The following SLC2A9 variants were observed in gnomAD, a reference collection of about 807,000 sequenced individuals.
SLC2A9 encodes the protein solute carrier family 2 member 9.
SLC2A9 carries 39 observed loss-of-function variants against 50.6 expected under a neutral mutation model. That is an observed-to-expected ratio of 0.77 (90% confidence interval 0.60 to 1.01). SLC2A9 has a LOEUF of 1.01. SLC2A9 is among the 50% of genes least tolerant of loss of function. The pLI is 0.00. For missense variants in SLC2A9, 686 were observed against 677.6 expected, an observed-to-expected ratio of 1.01 and a Z score of -0.14; for synonymous variants, 324 against 276.9, an observed-to-expected ratio of 1.17 and a Z score of -1.69.
chr4:9,812,406 A>G (rs1264526776), intron 3 of SLC2A9, among the ~76,000 whole-genome samples: 1 of 152,174 alleles, frequency 6.6e-6, no homozygotes, highest in Non-Finnish European at 1.5e-5. Flanking sequence ...GCATTAAGAG[A>G]GTGTGAATAT....
At chr4:9,814,071 C>T (rs1484142233) in intron 3 of SLC2A9, among the ~76,000 whole-genome samples, 6 of 152,158 alleles carry the variant, frequency 3.9e-5, no homozygotes, top group Admixed American at 6.5e-5. Context: ...ACCTGAGAGG[C>T]GGAGGTTGCA....
At chr4:9,872,158 ACT>A (rs1455719894) in intron 10 of SLC2A9, among the ~76,000 whole-genome samples, 2 of 152,120 alleles carry the variant, frequency 1.3e-5, no homozygotes, top group African/African-American at 4.8e-5. Context: ...CCCTCATTTC[ACT>A]GATGGTGAAA....
intron 3 of SLC2A9, among the ~76,000 whole-genome samples, chr4:9,993,495 T>C (rs953463399): frequency 6.6e-6 from 1 of 152,166 alleles, no homozygotes; most frequent in Non-Finnish European, 1.5e-5. Context: ...TCATTTAATC[T>C]TCACAACAAC....
At chr4:9,784,541 C>A (rs557819998) in intron 3 of SLC2A9, among the ~76,000 whole-genome samples, 7 of 152,230 alleles carry the variant, frequency 4.6e-5, no homozygotes, top group African/African-American at 1.4e-4. Context: ...TGGACAATAG[C>A]AAATAGGGAA....
intron 3 of SLC2A9, among the ~76,000 whole-genome samples, chr4:9,801,459 T>G (rs1339551898): frequency 6.6e-6 from 1 of 152,184 alleles, no homozygotes; most frequent in Non-Finnish European, 1.5e-5. Flanking sequence ...GTTTACACAA[T>G]AAATTCAACC....
chr4:9,982,117 T>G (rs773198993), intron 4 of SLC2A9, among the ~76,000 whole-genome samples: 2 of 152,260 alleles, frequency 1.3e-5, no homozygotes, highest in Non-Finnish European at 2.9e-5. Context: ...CGACCTCAGA[T>G]GATCCGCCTG....
chr4:9,844,623 T>C (rs11946054), intron 10 of SLC2A9, among the ~76,000 whole-genome samples: 25,654 of 152,252 alleles, frequency 0.17, 3,113 homozygotes, highest in African/African-American at 0.34. Flanking sequence ...AGATCTCTGT[T>C]CTCTGTGAAT....
At chr4:9,810,235 G>A (rs529368235) in intron 3 of SLC2A9, among the ~76,000 whole-genome samples, 3 of 151,720 alleles carry the variant, frequency 2.0e-5, no homozygotes, top group East Asian at 1.9e-4. Flanking sequence ...CAGTAGAGCC[G>A]CAGTTAAGTG....
chr4:9,879,786 T>C, intron 10 of SLC2A9: 1 of 985,472 alleles, frequency 1.0e-6, no homozygotes, highest in Non-Finnish European at 1.2e-6. Flanking sequence ...TTGACACATT[T>C]TGGCAACGAT....
At chr4:9,927,028 C>A (rs867933789) in intron 6 of SLC2A9, among the ~76,000 whole-genome samples, 1 of 124,696 alleles carries the variant, frequency 8.0e-6, no homozygotes, top group East Asian at 2.4e-4. Context: ...TTCTGTTGTT[C>A]GATTTTTTTT....
At chr4:10,000,651 C>G (rs1759625366) in intron 2 of SLC2A9, among the ~76,000 whole-genome samples, 1 of 152,192 alleles carries the variant, frequency 6.6e-6, no homozygotes, top group Non-Finnish European at 1.5e-5. Context: ...AGAGAGTAAG[C>G]TTGGCCTCTC....
intron 10 of SLC2A9, among the ~76,000 whole-genome samples, chr4:9,874,403 T>C (rs1733946241): frequency 6.6e-6 from 1 of 152,158 alleles, no homozygotes; most frequent in Non-Finnish European, 1.5e-5. Context: ...TGCACATGTG[T>C]ACCCCCACAG....
chr4:9,840,641 G>A (rs1179246333), intron 10 of SLC2A9, among the ~76,000 whole-genome samples: 1 of 152,032 alleles, frequency 6.6e-6, no homozygotes. Context: ...AGAAGATTGG[G>A]GCTACTTGGG....
intron 6 of SLC2A9, among the ~76,000 whole-genome samples, chr4:9,925,004 C>T (rs1000586460): frequency 1.3e-5 from 2 of 152,166 alleles, no homozygotes; most frequent in African/African-American, 4.8e-5. Context: ...GCTGTCTTGC[C>T]CTTGCCAGCA....
Position 10,021,487 on chromosome 4 carries a change from T to C in SLC2A9, c.-58A>G. The C allele has an allele frequency of 1.2e-6, 2 of 1,611,128 alleles. No individual in the cohort carries two copies. The highest frequency in any genetic ancestry group is 1.3e-5 in the African/African-American group (1 of 74,998). ...AGGGACCCCAGACTCTGCCAAGGCA[T>C]TTCCGTGAGTGAGGAGGCAGAGTCC... On this transcript the variant is annotated 5_prime_UTR_variant, in exon 1 of 12. An upstream start codon of the reference 5' UTR is lost. Coordinates refer to ENST00000264784, the MANE Select transcript of SLC2A9 (RefSeq NM_020041.3).
intron 3 of SLC2A9, among the ~76,000 whole-genome samples, chr4:9,804,716 C>T (rs1391547264): frequency 6.6e-6 from 1 of 152,212 alleles, no homozygotes; most frequent in Admixed American, 6.5e-5. Context: ...ATCAGTACTA[C>T]AGTCTTCAAG....
intron 3 of SLC2A9, among the ~76,000 whole-genome samples, chr4:9,992,344 A>G (rs1757854321): frequency 6.6e-6 from 1 of 152,224 alleles, no homozygotes; most frequent in African/African-American, 2.4e-5. Context: ...CCTTGGCACT[A>G]TTCACATTTG....
At chr4:9,858,231 G>A (rs1446961545) in intron 10 of SLC2A9, among the ~76,000 whole-genome samples, 1 of 152,224 alleles carries the variant, frequency 6.6e-6, no homozygotes, top group Non-Finnish European at 1.5e-5. Flanking sequence ...CAAATATGAA[G>A]TAGACCTGGG....
At chr4:9,808,337 G>A (rs1722398740) in intron 3 of SLC2A9, among the ~76,000 whole-genome samples, 1 of 152,156 alleles carries the variant, frequency 6.6e-6, no homozygotes. Context: ...TCATTACGTT[G>A]CCTTTGATCT....
Sources: gnomAD v4.1 joint callset for allele counts (sites outside exome capture counted in the v4.1 genomes callset) on GRCh38, gnomAD v4.1.1 for gene constraint, MANE v1.5 for transcripts, NCBI Gene and HGNC (gene_info 2026-07-23, HGNC 2026-07-21) for gene names.